Variants in NR3C1 observed in about 807,000 individuals in gnomAD.
NR3C1 encodes glucocorticoid receptor.
In NR3C1, 14 loss-of-function variants were observed where a neutral mutation model predicts 74.0. The observed-to-expected ratio is 0.19, with a 90% CI of 0.12 to 0.30. The LOEUF is 0.30. NR3C1 is among the 10% of genes least tolerant of loss of function. The probability of loss-of-function intolerance (pLI) is 1.00; values close to 1 mark genes in which losing one functional copy is unlikely to be tolerated. For missense variants in NR3C1, 695 were observed against 909.8 expected (o/e 0.76, Z 3.04); for synonymous variants, 308 against 332.5 (o/e 0.93, Z 0.80).
chr5:143,297,728 G>A (rs926941960), intron 6 of NR3C1, among the ~76,000 whole-genome samples: 5 of 152,182 alleles, frequency 3.3e-5, no homozygotes, highest in Non-Finnish European at 5.9e-5. Flanking sequence ...CTAGGGGTAC[G>A]AAAAGTAGTA....
At chr5:143,306,874 A>ATTTTTTTTTTTTTTTTTTTTTT (rs70991802) in intron 4 of NR3C1, among the ~76,000 whole-genome samples, 1 of 82,870 alleles carries the variant, frequency 1.2e-5, no homozygotes, top group African/African-American at 5.1e-5. Flanking sequence ...GTATGCTTAA[A>ATTTTTTTTTTTTTTTTTTTTTT]TTTTTTTTTT....
chr5:143,342,522 A>C (rs1600124754), intron 2 of NR3C1, among the ~76,000 whole-genome samples: 1 of 152,210 alleles, frequency 6.6e-6, no homozygotes, highest in Non-Finnish European at 1.5e-5. Context: ...TTATGGAAAA[A>C]CATTTGCTGA....
chr5:143,326,583 T>A (rs895122810), intron 2 of NR3C1, among the ~76,000 whole-genome samples: 1 of 152,166 alleles, frequency 6.6e-6, no homozygotes, highest in Non-Finnish European at 1.5e-5. Context: ...CATACCACGA[T>A]TTTTGCCCTT....
At chr5:143,429,024 C>T (rs1751677703) in intron 1 of NR3C1, among the ~76,000 whole-genome samples, 2 of 152,180 alleles carry the variant, frequency 1.3e-5, no homozygotes, top group Non-Finnish European at 2.9e-5. Flanking sequence ...CTCTTATCAC[C>T]AGTGCTTTAA....
chr5:143,340,153 G>A (rs1190065357), intron 2 of NR3C1, among the ~76,000 whole-genome samples: 1 of 152,160 alleles, frequency 6.6e-6, no homozygotes, highest in South Asian at 2.1e-4. Context: ...AGCTTTACAG[G>A]AAAAATGAGA....
intron 2 of NR3C1, among the ~76,000 whole-genome samples, chr5:143,353,355 C>T (rs1300763910): frequency 1.3e-5 from 2 of 152,130 alleles, no homozygotes; most frequent in African/African-American, 4.8e-5. Flanking sequence ...CCTCCTCCTG[C>T]GAATCACAAA....
intron 1 of NR3C1, chr5:143,408,874 A>G (rs78339179): frequency 6.6e-6 from 1 of 152,168 alleles, no homozygotes; most frequent in African/African-American, 2.4e-5. Context: ...CTGCCCCCAC[A>G]CCAGTCTTTT....
chr5:143,339,950 A>C (rs1827878039), intron 2 of NR3C1, among the ~76,000 whole-genome samples: 1 of 152,246 alleles, frequency 6.6e-6, no homozygotes. Flanking sequence ...AGGGGAAGAC[A>C]ATGAAAATTC....
intron 2 of NR3C1, among the ~76,000 whole-genome samples, chr5:143,394,415 A>G (rs919121648): frequency 4.6e-5 from 7 of 152,030 alleles, no homozygotes; most frequent in African/African-American, 1.7e-4. Flanking sequence ...TTCCAGCAGA[A>G]AAATACATAA....
At position 143,280,466 on chromosome 5, in the gene NR3C1, T is replaced by C. The variant is rs1269198783; in HGVS notation, c.*1423A>G. 1.3e-5 allele frequency: 2 copies of C among 152,758 alleles called. No individual in the cohort carries two copies. Among genetic ancestry groups the C allele is most frequent in the East Asian group, 1.9e-4 (1 of 5,190 alleles). 9.5% of individuals were successfully genotyped at this position (152,758 alleles called of 1,614,324 possible). The stretch of plus-strand genomic sequence containing the variant: ...AATAGAAATCAAATTTCTTGTGGCT[T>C]AGTAAATATGTTAAGTTTTGAGTTT... On this transcript the variant is annotated 3_prime_UTR_variant, in exon 9 of 9. Transcript: ENST00000394464.
intron 2 of NR3C1, among the ~76,000 whole-genome samples, chr5:143,342,941 G>A (rs1180314965): frequency 6.6e-6 from 1 of 152,222 alleles, no homozygotes; most frequent in Non-Finnish European, 1.5e-5. Flanking sequence ...AGAGAAGACA[G>A]TCATGTGTGA....
rs1036459600 is a variant in NR3C1, at chr5:143,403,385, G to A, written c.-188C>T. 7.1e-6 allele frequency: 7 copies of A among 985,430 alleles called. No homozygotes were observed. The highest frequency in any genetic ancestry group is 7.2e-6 in the Non-Finnish European group (6 of 829,972). The allele number at this position is 985,430 out of a possible 1,614,324, so 61.0% of individuals were successfully genotyped here. On this transcript the variant is annotated 5_prime_UTR_variant, in exon 1 of 9. Coordinates refer to ENST00000394464, the MANE Select transcript of NR3C1 (RefSeq NM_000176.3). ...GGGTGGGGGGAGAGCCCCTATTTAA[G>A]AAAGTCTCCCATTGCCCAGCTGACA...
At chr5:143,397,295 C>T (rs931047413) in intron 2 of NR3C1, among the ~76,000 whole-genome samples, 17 of 151,660 alleles carry the variant, frequency 1.1e-4, no homozygotes, top group Middle Eastern at 3.2e-3. Context: ...TATTTTTCTT[C>T]GTAAAGTCAG....
chr5:143,288,045 T>G (rs1458794741), intron 7 of NR3C1, among the ~76,000 whole-genome samples: 1 of 152,162 alleles, frequency 6.6e-6, no homozygotes, highest in African/African-American at 2.4e-5. Flanking sequence ...TTTAGTAGTA[T>G]TTTTGGAAAG....
chr5:143,368,325 A>G (rs1283691522), intron 2 of NR3C1, among the ~76,000 whole-genome samples: 1 of 152,222 alleles, frequency 6.6e-6, no homozygotes, highest in Non-Finnish European at 1.5e-5. Context: ...ACCTTAGATC[A>G]GGCAACTTTT....
At chr5:143,286,998 C>A (rs1414621650) in intron 7 of NR3C1, among the ~76,000 whole-genome samples, 1 of 151,082 alleles carries the variant, frequency 6.6e-6, no homozygotes, top group East Asian at 2.0e-4. Flanking sequence ...AAGCAATACA[C>A]ATGGGTCAAT....
At chr5:143,396,576 T>C (rs1414540622) in intron 2 of NR3C1, among the ~76,000 whole-genome samples, 2 of 151,872 alleles carry the variant, frequency 1.3e-5, no homozygotes, top group Non-Finnish European at 3.0e-5. Flanking sequence ...ATTCATTCTG[T>C]ATTTGTACAG....
intron 4 of NR3C1, among the ~76,000 whole-genome samples, chr5:143,303,297 A>ACCAC (rs1554075210): frequency 1.3e-5 from 2 of 151,130 alleles, no homozygotes; most frequent in African/African-American, 4.9e-5. Context: ...TTTTCAGCTG[A>ACCAC]CCCCCGTATA....
At position 143,298,170 on chromosome 5, in the gene NR3C1, TCTC is replaced by T. The variant is rs148745999; in HGVS notation, c.1892+495_1892+497del. On this transcript the variant is annotated intron_variant, in intron 6 of 8. Transcript: ENST00000394464. ...TTATAAAATCTTAAAGGCTTGGTCT[TCTC>T]TCAGTTAAACAAAACAAATTTGTTC... 1.0e-3 allele frequency among the ~76,000 whole-genome samples: 155 copies of T among 152,268 alleles called. 3 individuals are homozygous for T. The East Asian group carries it at 0.022, about 22-fold the overall frequency.
Sources: allele counts gnomAD v4.1 joint callset (sites outside exome capture counted in the v4.1 genomes callset), GRCh38; gene constraint gnomAD v4.1.1; transcripts MANE v1.5; gene names NCBI Gene and HGNC (gene_info 2026-07-23, HGNC 2026-07-21).